Variants in DNAJB6 observed in about 807,000 individuals in gnomAD.
DNAJB6 encodes dnaJ homolog subfamily B member 6.
In DNAJB6, 16 loss-of-function variants were observed where a neutral mutation model predicts 42.7. That is an observed-to-expected ratio of 0.37 (90% CI 0.25 to 0.57). DNAJB6 has a LOEUF of 0.57. Ranked by LOEUF, DNAJB6 falls within the 20% of genes least tolerant of loss-of-function variation. The pLI is 0.74. For synonymous variants in DNAJB6, 170 were observed against 163.5 expected (o/e 1.04, Z -0.30); for missense variants, 347 against 416.8 (o/e 0.83, Z 1.46).
intron 5 of DNAJB6, chr7:157,378,123 C>T (rs1298148147): frequency 2.6e-5 from 4 of 152,186 alleles, no homozygotes; most frequent in Non-Finnish European, 5.9e-5. Context: ...GGAAATACTC[C>T]AGGCATTGAT....
intron 9 of DNAJB6, 136 bp from the exon 10 acceptor site, chr7:157,415,880 A>C: frequency 6.0e-6 from 9 of 1,503,144 alleles, no homozygotes; most frequent in Non-Finnish European, 8.1e-6. Context: ...TTTGAGGTTT[A>C]GCTGTGGCCA....
chr7:157,404,858 C>CA, intron 8 of DNAJB6, among the ~76,000 whole-genome samples: 1 of 152,042 alleles, frequency 6.6e-6, no homozygotes, highest in Non-Finnish European at 1.5e-5. Context: ...AAGCTGGTCT[C>CA]AAACTCCTGG....
rs1394317103 is a variant in DNAJB6 at position 157,363,165 on chromosome 7, C to A, written c.70C>A (p.Arg24=). The change falls in exon 3 of 10, where the codon CGG becomes AGG. Residue 24 remains arginine, a synonymous_variant. Coordinates refer to ENST00000262177, the MANE Select transcript of DNAJB6 (RefSeq NM_058246.4). ...ATATCCTTTATTCTTTCCAAGATAT[C>A]GGAAACTGGCACTGAAGTGGCATCC... The part of the protein sequence containing the change: ...ASPEDIKKAY[R]KLALKWHPDK... 13 of 1,597,208 alleles carry A rather than the reference C, an allele frequency of 8.1e-6. No individual in the cohort carries two copies. The highest frequency in any genetic ancestry group is 1.7e-5 in the Admixed American group (1 of 58,748).
In DNAJB6 at chr7:157,409,826, G is replaced by T; in HGVS notation, c.723G>T (p.Glu241Asp). The T allele has an allele frequency of 1.3e-6, 2 of 1,533,118 alleles. No individual in the cohort carries two copies. The highest frequency in any genetic ancestry group is 1.7e-6 in the Non-Finnish European group (2 of 1,145,180). 95.0% of individuals were successfully genotyped at this position (1,533,118 alleles called of 1,614,324 possible). A position where few individuals can be genotyped will look rare whatever the true frequency, so the allele number is the denominator to read the frequency against. Reference sequence around the variant, plus strand: ...CCGACGACGATGCCCTCGCTGAGGAGCGCATGCGGAGAGGCCAGAACGCCC... The same window carrying T: ...CCGACGACGATGCCCTCGCTGAGGATCGCATGCGGAGAGGCCAGAACGCCC... ...GVADDDALAE[E>D]RMRRGQNALP... The change falls in exon 9 of 10, where the codon GAG becomes GAT. Residue 241 changes from glutamate (E) to aspartate (D), a missense_variant. Physicochemically the swap from Glu to Asp is conservative, Grantham distance 45 (BLOSUM62 2). Around this residue, in one of 3 missense-constraint regions of DNAJB6, gnomAD observed 264 missense variants for 288.0 expected, o/e 0.92. Coordinates refer to ENST00000262177, the MANE Select transcript of DNAJB6 (RefSeq NM_058246.4).
chr7:157,402,680 G>T (rs1010356524), intron 8 of DNAJB6, among the ~76,000 whole-genome samples: 4 of 152,248 alleles, frequency 2.6e-5, no homozygotes, highest in Non-Finnish European at 5.9e-5. Context: ...GTAGGCCCCA[G>T]TCATCCCAGG....
intron 1 of DNAJB6, among the ~76,000 whole-genome samples, chr7:157,351,456 T>C (rs917377033): frequency 6.6e-5 from 10 of 151,378 alleles, no homozygotes; most frequent in Non-Finnish European, 1.5e-4. Context: ...GGTGAAACCC[T>C]GTCTCTACTA....
intron 1 of DNAJB6, among the ~76,000 whole-genome samples, chr7:157,352,089 T>C (rs191766582): frequency 2.8e-4 from 42 of 151,914 alleles, no homozygotes; most frequent in African/African-American, 8.7e-4. Context: ...CCCAGCACTT[T>C]AGGAGGCTGA....
chr7:157,352,863 C>T (rs757348560), intron 1 of DNAJB6, among the ~76,000 whole-genome samples: 10 of 152,218 alleles, frequency 6.6e-5, no homozygotes, highest in Non-Finnish European at 1.5e-4. Flanking sequence ...GGCTTGTTTA[C>T]GATAAACACC....
intron 5 of DNAJB6, among the ~76,000 whole-genome samples, chr7:157,369,784 C>CGTT (rs1563128249): frequency 1.4e-5 from 2 of 143,992 alleles, no homozygotes; most frequent in African/African-American, 5.3e-5. Context: ...CCTTTCATAA[C>CGTT]ATTATTATTA....
At chr7:157,397,187 C>T (rs1489978959) in intron 8 of DNAJB6, among the ~76,000 whole-genome samples, 3 of 152,198 alleles carry the variant, frequency 2.0e-5, no homozygotes, top group South Asian at 2.1e-4. Flanking sequence ...AGGAGTAACC[C>T]GAGCGGCGTG....
At chr7:157,337,477 G>A (rs894520672) in intron 1 of DNAJB6, 3 of 151,864 alleles carry the variant, frequency 2.0e-5, no homozygotes, top group Non-Finnish European at 3.0e-5. Context: ...GCTGGGGCTC[G>A]GCTGGGGCTC....
intron 1 of DNAJB6, among the ~76,000 whole-genome samples, chr7:157,355,354 GT>G (rs749724296): frequency 2.0e-5 from 3 of 152,176 alleles, no homozygotes; most frequent in Admixed American, 6.5e-5. Context: ...TAGAGATGGA[GT>G]TTCACCGTGT....
intron 5 of DNAJB6, chr7:157,370,744 T>TG (rs1800167371): frequency 6.6e-6 from 1 of 152,658 alleles, no homozygotes; most frequent in South Asian, 2.1e-4. Flanking sequence ...CAGTGATACT[T>TG]GTTCATTCCG....
chr7:157,341,340 G>C (rs1798369705), intron 1 of DNAJB6, among the ~76,000 whole-genome samples: 3 of 152,074 alleles, frequency 2.0e-5, no homozygotes, highest in Admixed American at 2.0e-4. Context: ...TGGCCAGGCT[G>C]GTCTTGAACT....
At chr7:157,358,048 G>A (rs148063306) in intron 1 of DNAJB6, among the ~76,000 whole-genome samples, 5 of 152,204 alleles carry the variant, frequency 3.3e-5, no homozygotes, top group African/African-American at 1.2e-4. Context: ...GTTCCCTCGT[G>A]TGGGTGACAG....
In DNAJB6 at chr7:157,363,171, C is replaced by T. The variant is rs1471257424; in HGVS notation, c.76C>T (p.Leu26=). ...TTTATTCTTTCCAAGATATCGGAAA[C>T]TGGCACTGAAGTGGCATCCAGATAA... is the stretch of plus-strand genomic sequence containing the variant. ...PEDIKKAYRK[L]ALKWHPDKNP... is the part of the protein sequence containing the mutation. Residue 26 remains leucine (L), a synonymous_variant, in exon 3 of 10, where the codon CTG becomes TTG. Coordinates refer to ENST00000262177, the MANE Select transcript of DNAJB6 (RefSeq NM_058246.4). The T allele has an allele frequency of 6.2e-7, 1 of 1,605,146 alleles. No homozygotes were observed. Among genetic ancestry groups the T allele is most frequent in the Non-Finnish European group, 8.5e-7 (1 of 1,174,604 alleles).
chr7:157,372,018 G>T (rs949461329), intron 5 of DNAJB6: 6 of 152,282 alleles, frequency 3.9e-5, no homozygotes, highest in Middle Eastern at 3.2e-3. Flanking sequence ...AATAGAGGAG[G>T]AGTCCTGTGG....
intron 1 of DNAJB6, among the ~76,000 whole-genome samples, chr7:157,349,637 A>G (rs1798868594): frequency 6.6e-6 from 1 of 151,946 alleles, no homozygotes; most frequent in East Asian, 1.9e-4. Flanking sequence ...CTGTGCCATC[A>G]TGCCTGGCTA....
intron 5 of DNAJB6, among the ~76,000 whole-genome samples, chr7:157,376,654 A>T (rs560177540): frequency 6.6e-6 from 1 of 152,004 alleles, no homozygotes; most frequent in African/African-American, 2.4e-5. Flanking sequence ...GCTGAGGCGG[A>T]TGGATCGCTT....
Sources: gnomAD v4.1 joint callset for allele counts (sites outside exome capture counted in the v4.1 genomes callset) on GRCh38, gnomAD v4.1.1 for gene constraint, gnomAD v4.1.1 regional missense constraint, MANE v1.5 for transcripts, NCBI Gene and HGNC (gene_info 2026-07-23, HGNC 2026-07-21) for gene names.